The following C1orf21 variants were observed in gnomAD, a reference collection of about 807,000 sequenced individuals.
C1orf21 encodes uncharacterized protein C1orf21.
In C1orf21, 3 loss-of-function variants were observed where a neutral mutation model predicts 18.7. That is an observed-to-expected ratio of 0.16 (90% CI 0.07 to 0.42). The LOEUF is 0.42. Among genes scored for constraint, C1orf21 ranks in the 10% least tolerant of loss-of-function variants. The pLI is 0.99. For missense variants in C1orf21, 104 were observed against 143.6 expected (o/e 0.72, Z 1.41); for synonymous variants, 41 against 46.4 (o/e 0.88, Z 0.47).
chr1:184,507,503 A>G, intron 2 of C1orf21, 85 bp from the exon 3 acceptor site: 4 of 1,167,502 alleles, frequency 3.4e-6, no homozygotes, highest in South Asian at 1.5e-5. Context: ...GGTCTAGCAA[A>G]TTACACTATT....
At chr1:184,584,687 G>A (rs1412356382) in intron 3 of C1orf21, among the ~76,000 whole-genome samples, 1 of 152,132 alleles carries the variant, frequency 6.6e-6, no homozygotes, top group African/African-American at 2.4e-5. Flanking sequence ...CAAGGGATGG[G>A]GAGATGAACA....
At chr1:184,403,279 C>T (rs114859450) in intron 1 of C1orf21, among the ~76,000 whole-genome samples, 2,112 of 152,142 alleles carry the variant, frequency 0.014, 61 homozygotes, top group African/African-American at 0.047. Context: ...TACAACTGTG[C>T]GTGCCAACAG....
Position 184,618,636 on chromosome 1 carries a change from TC to T in C1orf21, c.328-872del, listed in dbSNP as rs34301703. Among the ~76,000 whole-genome samples the T allele has an allele frequency of 6.4e-3, 879 of 137,360 alleles. 9 individuals are homozygous for T. The highest frequency in any genetic ancestry group is 0.019 in the African/African-American group (691 of 37,036). The allele number at this position is 137,360 out of a possible 152,430, so 90.1% of individuals were successfully genotyped here. ...ATAAGTTCTGCTTTTAAAAGAACAT[TC>T]CCCCCCCCCAAGAAAAATGAAACAT... On this transcript the variant is annotated intron_variant, in intron 5 of 5. Transcript: ENST00000235307.
chr1:184,417,597 A>G (rs1483583587), intron 1 of C1orf21, among the ~76,000 whole-genome samples: 1 of 152,254 alleles, frequency 6.6e-6, no homozygotes, highest in South Asian at 2.1e-4. Context: ...TTTGTGTGTA[A>G]TCTAACTTTG....
intron 3 of C1orf21, among the ~76,000 whole-genome samples, chr1:184,546,865 G>A (rs1186690733): frequency 6.6e-6 from 1 of 152,212 alleles, no homozygotes; most frequent in Non-Finnish European, 1.5e-5. Flanking sequence ...AAGGTGCATG[G>A]CTTGGCCAGT....
intron 1 of C1orf21, among the ~76,000 whole-genome samples, chr1:184,418,600 A>G (rs1344880764): frequency 6.6e-6 from 1 of 152,200 alleles, no homozygotes; most frequent in East Asian, 1.9e-4. Context: ...GGCTTGTGAA[A>G]TGGCTCTCAC....
At chr1:184,479,963 C>T (rs1284879138) in intron 2 of C1orf21, among the ~76,000 whole-genome samples, 2 of 152,034 alleles carry the variant, frequency 1.3e-5, no homozygotes, top group East Asian at 1.9e-4. Context: ...GGTCTGTATC[C>T]TATGTATAAG....
chr1:184,461,068 G>A (rs552361253), intron 1 of C1orf21, among the ~76,000 whole-genome samples: 2 of 152,120 alleles, frequency 1.3e-5, no homozygotes, highest in East Asian at 3.9e-4. Context: ...CCTCACTCCT[G>A]GGACCCAGGA....
intron 5 of C1orf21, among the ~76,000 whole-genome samples, chr1:184,609,485 T>G (rs1263402309): frequency 6.6e-6 from 1 of 152,162 alleles, no homozygotes; most frequent in Non-Finnish European, 1.5e-5. Flanking sequence ...GCAAATGAAT[T>G]AAAATGCCAG....
chr1:184,601,147 G>C (rs1659579167), intron 5 of C1orf21, among the ~76,000 whole-genome samples: 1 of 152,166 alleles, frequency 6.6e-6, no homozygotes, highest in Non-Finnish European at 1.5e-5. Flanking sequence ...TTCATGTTGA[G>C]AGATTTGAGT....
At chr1:184,555,585 A>G (rs1238768753) in intron 3 of C1orf21, among the ~76,000 whole-genome samples, 1 of 151,484 alleles carries the variant, frequency 6.6e-6, no homozygotes, top group African/African-American at 2.4e-5. Flanking sequence ...ATGCACAAAC[A>G]CCTGTTACCT....
chr1:184,544,618 A>T (rs1658702970), intron 3 of C1orf21, among the ~76,000 whole-genome samples: 1 of 152,218 alleles, frequency 6.6e-6, no homozygotes, highest in Non-Finnish European at 1.5e-5. Context: ...CTACGACTTC[A>T]CCATACGTGA....
chr1:184,455,951 A>G (rs993053338), intron 1 of C1orf21, among the ~76,000 whole-genome samples: 2 of 152,178 alleles, frequency 1.3e-5, no homozygotes, highest in African/African-American at 4.8e-5. Flanking sequence ...GAATGTGTCT[A>G]TGTAGCTTGA....
chr1:184,387,577 C>T lies in C1orf21; in HGVS notation c.-125+209C>T, dbSNP rs1212361343. On this transcript the variant is annotated intron_variant, in intron 1 of 5. Transcript: ENST00000235307. This position sits in a 1 kb window ranked among gnomAD's most constrained non-coding sequence, Gnocchi z 5.6. ...GGTGCGGGGCTGGCGGGGTTGCTGC[C>T]AGGGACGGAAGCTGGGGTGGGGGAG... 6.6e-6 allele frequency among the ~76,000 whole-genome samples: 1 copy of T among 150,972 alleles called. No homozygotes were observed. The highest frequency in any genetic ancestry group is 1.5e-5 in the Non-Finnish European group (1 of 67,784).
intron 1 of C1orf21, among the ~76,000 whole-genome samples, chr1:184,421,373 T>C (rs1338469951): frequency 6.6e-6 from 1 of 152,240 alleles, no homozygotes; most frequent in Non-Finnish European, 1.5e-5. Context: ...TCCAAAGTGC[T>C]GGACATGAGC....
intron 3 of C1orf21, among the ~76,000 whole-genome samples, chr1:184,578,813 T>C (rs1292169423): frequency 2.0e-5 from 3 of 152,150 alleles, no homozygotes; most frequent in Non-Finnish European, 4.4e-5. Flanking sequence ...TATCCATAAA[T>C]ATTCCAATTC....
intron 1 of C1orf21, among the ~76,000 whole-genome samples, chr1:184,452,531 T>C (rs116593243): frequency 0.013 from 1,953 of 152,294 alleles, 49 homozygotes; most frequent in African/African-American, 0.045. Flanking sequence ...ATTTGTCCCA[T>C]GTAACATGAG....
At position 184,462,940 on chromosome 1, in the gene C1orf21, A is replaced by G. The variant is rs895114893; in HGVS notation, c.-124-14446A>G. 2.6e-5 allele frequency among the ~76,000 whole-genome samples: 4 copies of G among 152,030 alleles called. No homozygotes were observed. In the East Asian group the frequency reaches 7.7e-4, roughly 29 times the overall value. ...CTACTAAAAATACAAAAAGTAGCTC[A>G]GCGTGGTGGCAGGTGCCTGTAATCC... is the stretch of plus-strand genomic sequence containing the variant. On this transcript the variant is annotated intron_variant, in intron 1 of 5. Coordinates refer to ENST00000235307, the MANE Select transcript of C1orf21 (RefSeq NM_030806.4).
At chr1:184,492,434 A>G (rs143224267) in intron 2 of C1orf21, among the ~76,000 whole-genome samples, 2 of 152,358 alleles carry the variant, frequency 1.3e-5, no homozygotes, top group East Asian at 1.9e-4. Context: ...AGCCATTGGC[A>G]AGATTATATA....
Sources: gnomAD v4.1 joint callset for allele counts (sites outside exome capture counted in the v4.1 genomes callset) on GRCh38, gnomAD v4.1.1 for gene constraint, Gnocchi (gnomAD v3.1) non-coding constraint, MANE v1.5 for transcripts, NCBI Gene and HGNC (gene_info 2026-07-23, HGNC 2026-07-21) for gene names.